Variants in SGCZ observed in about 807,000 individuals in gnomAD.
SGCZ encodes the protein sarcoglycan zeta, also known as zeta-sarcoglycan.
A neutral mutation model predicts 41.3 loss-of-function variants in SGCZ; 40 were observed. The ratio of observed to expected loss-of-function variants is 0.97; its 90% CI spans 0.75 to 1.26. The LOEUF is 1.26. Ranked by LOEUF, SGCZ falls within the 50% of genes most tolerant of loss-of-function variation. SGCZ has a pLI of 0.00. For missense variants in SGCZ, 552 were observed against 369.8 expected (o/e 1.49, Z -4.04); for synonymous variants, 206 against 137.5 (o/e 1.50, Z -3.49).
intron 2 of SGCZ, among the ~76,000 whole-genome samples, chr8:14,382,610 C>G (rs1207345703): frequency 6.6e-6 from 1 of 151,968 alleles, no homozygotes; most frequent in Admixed American, 6.6e-5. Flanking sequence ...TGGGGACGTT[C>G]GAGAATATTT....
chr8:14,833,064 G>C (rs540524617), intron 1 of SGCZ, among the ~76,000 whole-genome samples: 1 of 152,020 alleles, frequency 6.6e-6, no homozygotes, highest in Non-Finnish European at 1.5e-5. Flanking sequence ...ATATACTGAA[G>C]CATAGTAGAA....
chr8:14,980,735 A>G lies in SGCZ; in HGVS notation c.39+256850T>C, dbSNP rs555452971. ...TGGGGGAAACTGCCCCTGTGATTCA[A>G]TCATCTCCCACTGGGTCCCTCCCCA... On this transcript the variant is annotated intron_variant, in intron 1 of 7. Coordinates refer to ENST00000382080, the MANE Select transcript of SGCZ (RefSeq NM_139167.4). Among the ~76,000 whole-genome samples, 168 of 87,408 alleles carry G rather than the reference A, an allele frequency of 1.9e-3. 4 individuals are homozygous for G. The Middle Eastern group carries it at 0.032, about 17-fold the overall frequency. 57.3% of individuals were successfully genotyped at this position (87,408 alleles called of 152,430 possible).
intron 4 of SGCZ, among the ~76,000 whole-genome samples, chr8:14,210,107 G>C (rs1451377537): frequency 9.9e-5 from 15 of 152,072 alleles, no homozygotes; most frequent in Admixed American, 9.8e-4. Context: ...GCCCAGACTG[G>C]AACGCAGTTG....
chr8:14,954,536 T>A (rs1242130982), intron 1 of SGCZ, among the ~76,000 whole-genome samples: 1 of 152,110 alleles, frequency 6.6e-6, no homozygotes, highest in Non-Finnish European at 1.5e-5. Flanking sequence ...TTACACAAAA[T>A]TATAACTGTT....
chr8:15,201,313 G>A (rs867715921), intron 1 of SGCZ, among the ~76,000 whole-genome samples: 36 of 152,176 alleles, frequency 2.4e-4, no homozygotes, highest in African/African-American at 8.4e-4. Context: ...CCCCGTGCCA[G>A]GCCTAGATCC....
At chr8:14,905,707 T>G (rs17463736) in intron 1 of SGCZ, among the ~76,000 whole-genome samples, 7,628 of 151,728 alleles carry the variant, frequency 0.05, 282 homozygotes, top group Non-Finnish European at 0.078. Flanking sequence ...TAAGTGAAGA[T>G]ATACATAGGT....
chr8:14,754,461 T>A (rs1319637379), intron 1 of SGCZ, among the ~76,000 whole-genome samples: 2 of 152,204 alleles, frequency 1.3e-5, no homozygotes, highest in African/African-American at 2.4e-5. Context: ...TATTTATTGC[T>A]TATTATTGCT....
chr8:14,850,204 G>T (rs368827969), intron 1 of SGCZ, among the ~76,000 whole-genome samples: 22 of 152,228 alleles, frequency 1.4e-4, no homozygotes, highest in Admixed American at 3.9e-4. Context: ...TAATATTAGT[G>T]TAAGTTTTTC....
chr8:15,024,935 C>CAAGTAAATAAAT (rs1803397492), intron 1 of SGCZ, among the ~76,000 whole-genome samples: 1 of 142,652 alleles, frequency 7.0e-6, no homozygotes, highest in Non-Finnish European at 1.5e-5. Context: ...GACTCCGTCT[C>CAAGTAAATAAAT]AAATAAATAA....
In SGCZ at chr8:14,561,937, T is replaced by C. The variant is rs561244799; in HGVS notation, c.40-7011A>G. 2.0e-5 allele frequency among the ~76,000 whole-genome samples: 3 copies of C among 152,266 alleles called. No individual in the cohort carries two copies. The East Asian group carries it at 5.8e-4, about 29-fold the overall frequency. On this transcript the variant is annotated intron_variant, in intron 1 of 7. Coordinates refer to ENST00000382080, the MANE Select transcript of SGCZ (RefSeq NM_139167.4). ...CTCCCAAGGTGTGGAAAATCTGGTTTTCAGACAGGGTTAGTTTGCTGGTAA... is the reference window on the plus strand; with the variant it reads ...CTCCCAAGGTGTGGAAAATCTGGTTCTCAGACAGGGTTAGTTTGCTGGTAA...
At chr8:14,428,140 A>G (rs1048379872) in intron 2 of SGCZ, among the ~76,000 whole-genome samples, 2 of 150,602 alleles carry the variant, frequency 1.3e-5, no homozygotes, top group African/African-American at 4.9e-5. Context: ...ACACATATAT[A>G]TATATATATA....
At chr8:15,218,593 A>T (rs184689038) in intron 1 of SGCZ, among the ~76,000 whole-genome samples, 1 of 152,350 alleles carries the variant, frequency 6.6e-6, no homozygotes, top group East Asian at 1.9e-4. Context: ...TAACATGGCC[A>T]CCTACCAATA....
intron 5 of SGCZ, among the ~76,000 whole-genome samples, chr8:14,112,163 G>C (rs1465986467): frequency 6.6e-6 from 1 of 151,772 alleles, no homozygotes; most frequent in South Asian, 2.1e-4. Context: ...AAGAAAGTCA[G>C]GCAGGAAATT....
chr8:14,097,084 G>A (rs565939041), intron 7 of SGCZ, among the ~76,000 whole-genome samples: 6 of 151,584 alleles, frequency 4.0e-5, no homozygotes, highest in African/African-American at 1.4e-4. Flanking sequence ...GAGTTTTTTT[G>A]TGTATCTCCT....
intron 1 of SGCZ, among the ~76,000 whole-genome samples, chr8:14,867,719 T>A (rs1296425416): frequency 2.0e-5 from 3 of 152,076 alleles, no homozygotes; most frequent in East Asian, 1.9e-4. Flanking sequence ...CTAAGTGATG[T>A]GAACACATGG....
chr8:14,625,716 C>T (rs1475219120), intron 1 of SGCZ, among the ~76,000 whole-genome samples: 1 of 152,118 alleles, frequency 6.6e-6, no homozygotes, highest in Non-Finnish European at 1.5e-5. Context: ...AAGGCATGAG[C>T]CAGCACACCT....
At chr8:14,100,742 A>G (rs899364648) in intron 7 of SGCZ, among the ~76,000 whole-genome samples, 1 of 151,776 alleles carries the variant, frequency 6.6e-6, no homozygotes, top group Non-Finnish European at 1.5e-5. Context: ...GTATAATTAC[A>G]ATTCATCTTG....
chr8:14,621,531 T>C (rs975465564), intron 1 of SGCZ, among the ~76,000 whole-genome samples: 10 of 148,828 alleles, frequency 6.7e-5, no homozygotes, highest in African/African-American at 2.2e-4. Flanking sequence ...AAAAAGAAAA[T>C]AGGTTTAATT....
chr8:14,847,202 C>A (rs1013021516), intron 1 of SGCZ, among the ~76,000 whole-genome samples: 1 of 143,566 alleles, frequency 7.0e-6, no homozygotes, highest in Admixed American at 7.0e-5. Flanking sequence ...AATACCAATT[C>A]TACAAAAACT....
Sources: gnomAD v4.1 joint callset for allele counts (sites outside exome capture counted in the v4.1 genomes callset) on GRCh38, gnomAD v4.1.1 for gene constraint, MANE v1.5 for transcripts, NCBI Gene and HGNC (gene_info 2026-07-23, HGNC 2026-07-21) for gene names.